The following ANKRD11 variants were observed in gnomAD, a reference collection of about 807,000 sequenced individuals.
ANKRD11 encodes the protein ankyrin repeat domain-containing protein 11.
In ANKRD11, 17 loss-of-function variants were observed where a neutral mutation model predicts 195.7. That is an observed-to-expected ratio of 0.09 (90% CI 0.06 to 0.13). The LOEUF (loss-of-function observed/expected upper bound fraction) is 0.13, where lower values mean the gene tolerates loss of function less well. Ranked by LOEUF, ANKRD11 falls within the 10% of genes least tolerant of loss-of-function variation. The pLI is 1.00. For missense variants in ANKRD11, 3,735 were observed against 3,566.1 expected (o/e 1.05, Z -1.21); for synonymous variants, 1,953 against 1,528.1 (o/e 1.28, Z -6.49).
chr16:89,476,116 C>T (rs1048970893), intron 1 of ANKRD11, among the ~76,000 whole-genome samples: 1 of 151,334 alleles, frequency 6.6e-6, no homozygotes, highest in Admixed American at 6.6e-5. Flanking sequence ...AGAAAATATG[C>T]AAATTATGAG....
intron 1 of ANKRD11, among the ~76,000 whole-genome samples, chr16:89,471,810 A>G (rs1597512654): frequency 7.0e-6 from 1 of 142,462 alleles, no homozygotes; most frequent in African/African-American, 2.6e-5. Context: ...AAAAAAAAAG[A>G]TATGATTTCA....
At chr16:89,274,556 G>A (rs1390170136) in intron 11 of ANKRD11, among the ~76,000 whole-genome samples, 7 of 152,310 alleles carry the variant, frequency 4.6e-5, no homozygotes, top group African/African-American at 7.2e-5. Flanking sequence ...TGTTACGGAG[G>A]GACTGAGCTG....
At chr16:89,460,956 C>G (rs1170525784) in intron 1 of ANKRD11, among the ~76,000 whole-genome samples, 2 of 118,268 alleles carry the variant, frequency 1.7e-5, no homozygotes, top group Admixed American at 9.7e-5. Context: ...GAAGAAAGGA[C>G]AAATATCGTA....
chr16:89,480,776 C>G (rs926414935), intron 1 of ANKRD11, among the ~76,000 whole-genome samples: 1 of 152,122 alleles, frequency 6.6e-6, no homozygotes, highest in Non-Finnish European at 1.5e-5. Flanking sequence ...CTGCCTTGGC[C>G]ATTAAAGTCA....
At chr16:89,377,542 A>G (rs935449206) in intron 2 of ANKRD11, among the ~76,000 whole-genome samples, 7 of 152,152 alleles carry the variant, frequency 4.6e-5, no homozygotes, top group African/African-American at 1.7e-4. Context: ...GCTAAGAGAT[A>G]CCACACCAGA....
intron 1 of ANKRD11, among the ~76,000 whole-genome samples, chr16:89,423,937 G>A (rs1330563929): frequency 2.6e-5 from 4 of 152,112 alleles, no homozygotes; most frequent in African/African-American, 4.8e-5. Flanking sequence ...AAACTTAAGC[G>A]GGTAAGAGGA....
intron 1 of ANKRD11, among the ~76,000 whole-genome samples, chr16:89,459,612 C>T (rs2056581128): frequency 1.3e-5 from 2 of 152,046 alleles, no homozygotes; most frequent in South Asian, 2.1e-4. Context: ...AAACTGATTC[C>T]TAGTACTGTT....
intron 7 of ANKRD11, chr16:89,286,632 G>A (rs1853024821): frequency 1.7e-6 from 2 of 1,204,110 alleles, no homozygotes; most frequent in Admixed American, 3.2e-5. Flanking sequence ...AAGGGTTGGG[G>A]GGACAGAATA....
Position 89,397,711 on chromosome 16 carries a change from T to C in ANKRD11, c.-60+20573A>G, listed in dbSNP as rs1351064763. Among the ~76,000 whole-genome samples the C allele has an allele frequency of 3.3e-5, 5 of 152,336 alleles. No individual in the cohort carries two copies. In the East Asian group the frequency reaches 9.7e-4, roughly 29 times the overall value. On this transcript the variant is annotated intron_variant, in intron 2 of 12. Coordinates refer to ENST00000301030, the MANE Select transcript of ANKRD11 (RefSeq NM_013275.6). Reference sequence around the variant, plus strand: ...GTGGATGCTGACCCGGTACTGCTCTTGGAATGTCAAGATGAAGATGATGCA... The same window carrying C: ...GTGGATGCTGACCCGGTACTGCTCTCGGAATGTCAAGATGAAGATGATGCA...
chr16:89,375,121 C>A (rs893115581), intron 2 of ANKRD11, among the ~76,000 whole-genome samples: 1 of 152,000 alleles, frequency 6.6e-6, no homozygotes, highest in African/African-American at 2.4e-5. Flanking sequence ...GAAGTGTATA[C>A]AACTCAGTGC....
At chr16:89,357,116 CA>C (rs2039519984) in intron 2 of ANKRD11, among the ~76,000 whole-genome samples, 3 of 152,190 alleles carry the variant, frequency 2.0e-5, no homozygotes, top group Non-Finnish European at 2.9e-5. Flanking sequence ...GTAGGAGGGA[CA>C]GTGTAAGGAA....
intron 1 of ANKRD11, among the ~76,000 whole-genome samples, chr16:89,477,339 T>G (rs1167940437): frequency 6.6e-6 from 1 of 151,592 alleles, no homozygotes; most frequent in Admixed American, 6.6e-5. Context: ...ATGACAGGCA[T>G]GGGCCACCAC....
chr16:89,485,399 C>T (rs2057578409), intron 1 of ANKRD11, among the ~76,000 whole-genome samples: 3 of 151,456 alleles, frequency 2.0e-5, no homozygotes, highest in Admixed American at 6.6e-5. Flanking sequence ...GAGGCTGAGG[C>T]AGAAGAATCA....
Position 89,422,580 on chromosome 16 carries a change from C to A in ANKRD11, c.-144-4212G>T, listed in dbSNP as rs369229188. On this transcript the variant is annotated intron_variant, in intron 1 of 12. Transcript: ENST00000301030. ...CGATATTCGCGCTGACCCAATCGCA[C>A]CCCACCTCTTTCAACGCCCTGGGCT... Among the ~76,000 whole-genome samples the A allele has an allele frequency of 1.4e-4, 21 of 152,282 alleles. 1 individual carries two copies. The highest frequency in any genetic ancestry group is 4.8e-4 in the African/African-American group (20 of 41,566).
chr16:89,287,249 CT>C, intron 7 of ANKRD11: 1 of 435,328 alleles, frequency 2.3e-6, no homozygotes, highest in Admixed American at 3.7e-5. Context: ...CTAACCTCTC[CT>C]GCTTCTGGCA....
At chr16:89,383,740 C>A (rs1012188660) in intron 2 of ANKRD11, among the ~76,000 whole-genome samples, 1 of 152,136 alleles carries the variant, frequency 6.6e-6, no homozygotes, top group Non-Finnish European at 1.5e-5. Context: ...CCCCTGCACT[C>A]GGACCAGCAA....
At chr16:89,462,382 C>T (rs2056710511) in intron 1 of ANKRD11, among the ~76,000 whole-genome samples, 1 of 152,208 alleles carries the variant, frequency 6.6e-6, no homozygotes, top group Non-Finnish European at 1.5e-5. Flanking sequence ...TCAATGGTGC[C>T]CAGGCTGGAG....
chr16:89,470,920 G>A (rs1343446604), intron 1 of ANKRD11, among the ~76,000 whole-genome samples: 1 of 152,180 alleles, frequency 6.6e-6, no homozygotes, highest in Non-Finnish European at 1.5e-5. Context: ...GTGAACCTGG[G>A]AGGCGGAGCT....
chr16:89,361,071 G>A (rs572009282), intron 2 of ANKRD11, among the ~76,000 whole-genome samples: 1 of 152,266 alleles, frequency 6.6e-6, no homozygotes, highest in South Asian at 2.1e-4. Flanking sequence ...CCCAGCCCCT[G>A]CTGCAATGGC....
Sources: allele counts gnomAD v4.1 joint callset (sites outside exome capture counted in the v4.1 genomes callset), GRCh38; gene constraint gnomAD v4.1.1; transcripts MANE v1.5; gene names NCBI Gene and HGNC (gene_info 2026-07-23, HGNC 2026-07-21).